Variants in TBC1D14 observed in about 807,000 individuals in gnomAD.
The protein encoded by TBC1D14 is TBC1 domain family member 14, also known as TBC1 domain family, member 14.
TBC1D14 carries 26 observed loss-of-function variants against 79.0 expected under a neutral mutation model. That is an observed-to-expected ratio of 0.33 (90% CI 0.24 to 0.46). The LOEUF (loss-of-function observed/expected upper bound fraction) is 0.46. Ranked by LOEUF, TBC1D14 falls within the 20% of genes least tolerant of loss-of-function variation. The pLI, the probability that TBC1D14 is intolerant of heterozygous loss-of-function variation, is 1.00. For synonymous variants in TBC1D14, 394 were observed against 349.9 expected (o/e 1.13, Z -1.40); for missense variants, 769 against 887.6 (o/e 0.87, Z 1.70).
rs372767926 is a variant in TBC1D14, at chr4:7,014,602, T to A, written c.1757+45T>A. 8.2e-6 allele frequency: 11 copies of A among 1,345,160 alleles called. No homozygotes were observed. In the African/African-American group the frequency reaches 8.6e-5, roughly 11 times the overall value. The allele number at this position is 1,345,160 out of a possible 1,614,324, so 83.3% of individuals were successfully genotyped here. On this transcript the variant is annotated intron_variant, in intron 12 of 13. Transcript: ENST00000409757. ...GTGTTTTCAGAGCATTTCTCAGCCC[T>A]TGTCTGTTCTTCACTCTCTTCTCTG...
At chr4:6,990,922 G>A (rs934310830) in intron 3 of TBC1D14, among the ~76,000 whole-genome samples, 2 of 152,118 alleles carry the variant, frequency 1.3e-5, no homozygotes, top group African/African-American at 4.8e-5. Context: ...TCTTCCCTCC[G>A]GGATCCTGGG....
At chr4:6,981,431 AAAG>A (rs1717365101) in intron 3 of TBC1D14, among the ~76,000 whole-genome samples, 1 of 152,248 alleles carries the variant, frequency 6.6e-6, no homozygotes. Flanking sequence ...GGAATTTATT[AAAG>A]AAGGACTAGA....
chr4:7,030,383 C>G lies in TBC1D14; in HGVS notation c.2073C>G (p.Leu691=). ...AAATGGAGAAGGGAAGTCCGTCCCT[C>G]CGACACTGAGGCTGCAGCGGGAATT... ...SREMEKGSPS[L]RH Residue 691 remains leucine, a synonymous_variant, in exon 14 of 14, where the codon CTC becomes CTG. Coordinates refer to ENST00000409757, the MANE Select transcript of TBC1D14 (RefSeq NM_020773.3). 6.2e-7 allele frequency: 1 copy of G among 1,613,994 alleles called. No homozygotes were observed. Among genetic ancestry groups the G allele is most frequent in the Non-Finnish European group, 8.5e-7 (1 of 1,179,906 alleles).
chr4:6,918,105 C>G (rs10937763), intron 1 of TBC1D14, among the ~76,000 whole-genome samples: 83,904 of 152,036 alleles, frequency 0.55, 24,221 homozygotes, highest in South Asian at 0.74. Context: ...GGCCCCCCAC[C>G]GCAGAGGAGA....
At chr4:6,951,946 T>C (rs997075321) in intron 2 of TBC1D14, among the ~76,000 whole-genome samples, 1 of 151,754 alleles carries the variant, frequency 6.6e-6, no homozygotes, top group African/African-American at 2.4e-5. Context: ...GGCTGCAGGG[T>C]CTGTATTTGG....
intron 1 of TBC1D14, among the ~76,000 whole-genome samples, chr4:6,917,663 CCT>C (rs1723507510): frequency 2.6e-5 from 4 of 152,160 alleles, no homozygotes; most frequent in Admixed American, 1.3e-4. Flanking sequence ...TCAGGAGGGC[CCT>C]GTGTGTCGGC....
At chr4:6,918,128 G>A (rs963289561) in intron 1 of TBC1D14, among the ~76,000 whole-genome samples, 4 of 152,188 alleles carry the variant, frequency 2.6e-5, no homozygotes, top group Non-Finnish European at 4.4e-5. Context: ...AGTAGAAAAA[G>A]GTTTTCTTTC....
chr4:6,954,209 C>A (rs995901439), intron 2 of TBC1D14: 2 of 704,542 alleles, frequency 2.8e-6, no homozygotes, highest in African/African-American at 1.8e-5. Context: ...GGAGTTTCCC[C>A]GGGACTGTGG....
intron 3 of TBC1D14, among the ~76,000 whole-genome samples, chr4:6,971,397 G>A (rs970385199): frequency 2.0e-5 from 3 of 152,188 alleles, no homozygotes; most frequent in African/African-American, 7.2e-5. Flanking sequence ...CCCATATGTG[G>A]TTTGCCCAGG....
chr4:6,936,723 G>A (rs1485431874), intron 2 of TBC1D14, among the ~76,000 whole-genome samples: 7 of 152,140 alleles, frequency 4.6e-5, no homozygotes, highest in African/African-American at 7.2e-5. Context: ...CCAAAGGGGC[G>A]ATACCATTTG....
At chr4:6,985,715 T>TTAAA (rs5855940) in intron 3 of TBC1D14, among the ~76,000 whole-genome samples, 147,191 of 152,206 alleles carry the variant, frequency 0.97, 71,371 homozygotes, top group Middle Eastern at 1. Context: ...TCCTAGATAA[T>TTAAA]TAATCTTTAG....
At chr4:7,028,483 G>A (rs1400853574) in intron 13 of TBC1D14, among the ~76,000 whole-genome samples, 1 of 151,516 alleles carries the variant, frequency 6.6e-6, no homozygotes, top group Non-Finnish European at 1.5e-5. Flanking sequence ...CTGGAGTGCA[G>A]TGGCGCAATC....
intron 1 of TBC1D14, among the ~76,000 whole-genome samples, chr4:6,917,533 C>T (rs1033883343): frequency 2.0e-5 from 3 of 151,900 alleles, no homozygotes; most frequent in East Asian, 1.9e-4. Context: ...TCTGAGGCCC[C>T]GATGGCCTAC....
chr4:6,921,064 G>C (rs1202568535), intron 1 of TBC1D14, among the ~76,000 whole-genome samples: 1 of 152,244 alleles, frequency 6.6e-6, no homozygotes, highest in Non-Finnish European at 1.5e-5. Context: ...ACAGGCGTGA[G>C]CCACTGCACC....
rs370410252 is a variant in TBC1D14, at chr4:6,923,602, G to A, written c.213G>A (p.Leu71=). ...CCGTGGACTCGGGGATTCCTACCCTGGAGATCGGGAACCCGGAGCCTGTAC... is the reference window on the plus strand; with the variant it reads ...CCGTGGACTCGGGGATTCCTACCCTAGAGATCGGGAACCCGGAGCCTGTAC... ...LQSVDSGIPT[L]EIGNPEPVPC... The change falls in exon 2 of 14, where the codon CTG becomes CTA. Residue 71 remains leucine, a synonymous_variant. Coordinates refer to ENST00000409757, the MANE Select transcript of TBC1D14 (RefSeq NM_020773.3). 40 of 1,613,898 alleles carry A rather than the reference G, an allele frequency of 2.5e-5. No homozygotes were observed. The highest frequency in any genetic ancestry group is 4.0e-5 in the African/African-American group (3 of 74,946).
At chr4:7,007,388 A>C (rs1171325402) in intron 9 of TBC1D14, 3 of 431,608 alleles carry the variant, frequency 7.0e-6, no homozygotes, top group African/African-American at 6.2e-5. Context: ...AAGACCTTCT[A>C]TTCTTTGAGC....
chr4:6,923,318 G>A (rs1189158907), intron 1 of TBC1D14, 55 bp from the exon 2 acceptor site: 6 of 1,528,766 alleles, frequency 3.9e-6, no homozygotes, highest in Non-Finnish European at 4.4e-6. Flanking sequence ...TGTCAGAGGT[G>A]TGGCATCTTT....
chr4:6,997,580 C>T (rs899819639), intron 5 of TBC1D14, among the ~76,000 whole-genome samples: 9 of 151,972 alleles, frequency 5.9e-5, no homozygotes, highest in South Asian at 2.1e-4. Context: ...GAGCCGAGAT[C>T]GTGCCACTGC....
At chr4:6,961,799 G>A (rs1292904493) in intron 2 of TBC1D14, among the ~76,000 whole-genome samples, 3 of 152,134 alleles carry the variant, frequency 2.0e-5, no homozygotes, top group Admixed American at 6.5e-5. Flanking sequence ...CACCTGGGGC[G>A]CGACTGGCAT....
Sources: allele counts gnomAD v4.1 joint callset (sites outside exome capture counted in the v4.1 genomes callset), GRCh38; gene constraint gnomAD v4.1.1; transcripts MANE v1.5; gene names NCBI Gene and HGNC (gene_info 2026-07-23, HGNC 2026-07-21).